The following GSE1 variants were observed in gnomAD, a reference collection of about 807,000 sequenced individuals.
GSE1 encodes the protein genetic suppressor element 1.
GSE1 carries 32 observed loss-of-function variants against 112.6 expected under a neutral mutation model. The observed-to-expected ratio is 0.28, with a 90% CI of 0.21 to 0.38. The LOEUF is 0.38. Among genes scored for constraint, GSE1 ranks in the 10% least tolerant of loss-of-function variants. The probability of loss-of-function intolerance (pLI) is 1.00; values close to 1 mark genes in which losing one functional copy is unlikely to be tolerated. For synonymous variants in GSE1, 1,115 were observed against 735.6 expected, an observed-to-expected ratio of 1.52 and a Z score of -8.35; for missense variants, 2,348 against 1,699.2, an observed-to-expected ratio of 1.38 and a Z score of -6.71.
chr16:85,569,076 T>C (rs559853030), intron 1 of GSE1, among the ~76,000 whole-genome samples: 2 of 152,348 alleles, frequency 1.3e-5, no homozygotes, highest in South Asian at 4.1e-4. Context: ...AATTCAAGCC[T>C]TCTTGAAATA....
At chr16:85,616,170 C>T (rs2048359651) in intron 1 of GSE1, among the ~76,000 whole-genome samples, 1 of 152,250 alleles carries the variant, frequency 6.6e-6, no homozygotes, top group Admixed American at 6.5e-5. Context: ...CTAGAGATTC[C>T]CCCCTTCCAA....
intron 2 of GSE1, among the ~76,000 whole-genome samples, chr16:85,461,728 C>T (rs1029148569): frequency 3.3e-5 from 5 of 152,144 alleles, no homozygotes; most frequent in African/African-American, 1.2e-4. Flanking sequence ...CCCCGTGCTG[C>T]GTGAAGCTCC....
At chr16:85,229,075 TG>T (rs1426540514) in intron 1 of GSE1, among the ~76,000 whole-genome samples, 1 of 152,194 alleles carries the variant, frequency 6.6e-6, no homozygotes, top group African/African-American at 2.4e-5. Flanking sequence ...ACACATCCGC[TG>T]GGGAGTTGTG....
At chr16:85,367,218 C>T (rs1283497880) in intron 2 of GSE1, among the ~76,000 whole-genome samples, 3 of 152,214 alleles carry the variant, frequency 2.0e-5, no homozygotes, top group Admixed American at 6.5e-5. Context: ...TAAGTGGGAG[C>T]AGACACCACG....
At chr16:85,437,025 C>T (rs891105462) in intron 2 of GSE1, among the ~76,000 whole-genome samples, 1 of 152,188 alleles carries the variant, frequency 6.6e-6, no homozygotes, top group Middle Eastern at 3.2e-3. Context: ...CCCTCCCCAG[C>T]GACTTTTGGC....
Position 85,596,923 on chromosome 16 carries a change from C to T in GSE1, c.37+40560C>T, listed in dbSNP as rs187952948. 3.6e-3 allele frequency among the ~76,000 whole-genome samples: 552 copies of T among 152,302 alleles called. 2 individuals carry two copies. Among genetic ancestry groups the T allele is most frequent in the South Asian group, 9.3e-3 (45 of 4,824 alleles). ...TGGTGGCACACACCTGTAATCCCAG[C>T]TACTTGGGAGGCTGAGGCAGAAGAA... On this transcript the variant is annotated intron_variant, in intron 1 of 2. Coordinates refer to the GSE1 transcript ENST00000635906.
At chr16:85,647,276 C>T (rs1054560165) in intron 2 of GSE1, among the ~76,000 whole-genome samples, 8 of 152,248 alleles carry the variant, frequency 5.3e-5, no homozygotes, top group Non-Finnish European at 8.8e-5. Flanking sequence ...CTGCTACCCG[C>T]GGGGCTGCAG....
intron 1 of GSE1, among the ~76,000 whole-genome samples, chr16:85,629,410 T>C (rs2049356877): frequency 6.6e-6 from 1 of 152,214 alleles, no homozygotes; most frequent in South Asian, 2.1e-4. Context: ...GAAATGACCA[T>C]ACGGTGCCCC....
intron 2 of GSE1, among the ~76,000 whole-genome samples, chr16:85,470,441 C>G (rs555311339): frequency 2.7e-4 from 41 of 152,284 alleles, no homozygotes; most frequent in African/African-American, 9.4e-4. Flanking sequence ...GTGTCTCTTT[C>G]CCGAGTGACA....
At chr16:85,349,665 G>C (rs565027800) in intron 1 of GSE1, among the ~76,000 whole-genome samples, 4 of 152,142 alleles carry the variant, frequency 2.6e-5, no homozygotes, top group African/African-American at 2.4e-5. Flanking sequence ...ACTTGGCTTC[G>C]TGCCTGTGCT....
intron 12 of GSE1, among the ~76,000 whole-genome samples, chr16:85,665,428 G>A (rs1271877899): frequency 6.6e-6 from 1 of 152,198 alleles, no homozygotes; most frequent in African/African-American, 2.4e-5. Context: ...CTCACATGGA[G>A]GCCAATCCAA....
At chr16:85,660,087 C>T (rs185950980) in intron 8 of GSE1, among the ~76,000 whole-genome samples, 2 of 152,366 alleles carry the variant, frequency 1.3e-5, no homozygotes, top group East Asian at 3.9e-4. Flanking sequence ...GGTGGCCAGC[C>T]TGCCCTGTGT....
chr16:85,611,344 C>G, upstream of GSE1: 1 of 321,450 alleles, frequency 3.1e-6, no homozygotes, highest in Non-Finnish European at 4.5e-6. Context: ...GCCCTGGCCG[C>G]CTGGGGCCGG....
At chr16:85,436,226 T>C (rs1351847331) in intron 2 of GSE1, among the ~76,000 whole-genome samples, 1 of 152,208 alleles carries the variant, frequency 6.6e-6, no homozygotes, top group African/African-American at 2.4e-5. Context: ...TCTCCTTCCC[T>C]TGCTCTTAGC....
At chr16:85,309,117 C>T (rs988960635) in intron 1 of GSE1, among the ~76,000 whole-genome samples, 4 of 151,814 alleles carry the variant, frequency 2.6e-5, no homozygotes, top group Middle Eastern at 3.4e-3. Context: ...GCCGGTTTTG[C>T]ACTAGCGAAG....
At chr16:85,519,578 A>G (rs62641965) in intron 2 of GSE1, among the ~76,000 whole-genome samples, 661 of 49,108 alleles carry the variant, frequency 0.013, 77 homozygotes, top group African/African-American at 0.017. Context: ...CACCATCACC[A>G]GTCTCCATCA....
chr16:85,624,125 TGCCCCCCGGCC>T (rs1376471272), intron 1 of GSE1, among the ~76,000 whole-genome samples: 1 of 152,168 alleles, frequency 6.6e-6, no homozygotes, highest in Non-Finnish European at 1.5e-5. Flanking sequence ...TGCTGGCCCA[TGCCCCCCGGCC>T]GCCACCCGCC....
chr16:85,590,484 T>C (rs899502606), intron 1 of GSE1, among the ~76,000 whole-genome samples: 4 of 150,530 alleles, frequency 2.7e-5, no homozygotes, highest in Non-Finnish European at 5.9e-5. Flanking sequence ...CTTGTGCATG[T>C]GTGAACGCAT....
At chr16:85,659,016 C>T (rs1247765297) in intron 8 of GSE1, among the ~76,000 whole-genome samples, 1 of 152,230 alleles carries the variant, frequency 6.6e-6, no homozygotes, top group African/African-American at 2.4e-5. Flanking sequence ...GGCCCTCATG[C>T]TCCAAGCTAG....
Sources: gnomAD v4.1 joint callset for allele counts (sites outside exome capture counted in the v4.1 genomes callset) on GRCh38, gnomAD v4.1.1 for gene constraint, MANE v1.5 for transcripts, NCBI Gene and HGNC (gene_info 2026-07-23, HGNC 2026-07-21) for gene names.